The following DNAAF6 variants were observed in gnomAD, a reference collection of about 807,000 sequenced individuals.
DNAAF6 encodes the protein PIH1 domain containing 3.
A neutral mutation model predicts 13.7 loss-of-function variants in DNAAF6; 3 were observed. That is an observed-to-expected ratio of 0.22 (90% CI 0.10 to 0.56). The LOEUF (loss-of-function observed/expected upper bound fraction) is 0.56. DNAAF6 is among the 20% of genes least tolerant of loss of function. The pLI, the probability that DNAAF6 is intolerant of heterozygous loss-of-function variation, is 0.92. For synonymous variants in DNAAF6, 54 were observed against 49.2 expected (o/e 1.10, Z -0.41); for missense variants, 130 against 151.0 (o/e 0.86, Z 0.73).
chrX:107,225,544 C>T (rs1358019881), intron 5 of DNAAF6, among the ~76,000 whole-genome samples: 1 of 110,813 alleles, frequency 9.0e-6, no homozygotes, highest in African/African-American at 3.3e-5. Flanking sequence ...TGTCCTGGAC[C>T]TGGTCTATAT....
Position 107,206,680 on chromosome X carries a change from A to G in DNAAF6, c.-14A>G, listed in dbSNP as rs1381296185. 1 of 111,233 alleles carries G rather than the reference A, an allele frequency of 9.0e-6. No homozygotes were observed. The highest frequency in any genetic ancestry group is 9.6e-5 in the Admixed American group (1 of 10,424). 9.2% of individuals were successfully genotyped at this position (111,233 alleles called of 1,213,427 possible). Reference sequence around the variant, plus strand: ...TTCGGAGCCTAGCCAGAGACGGGAAAACTGACCAAGGTGAGGAAACTCGAA... The same window carrying G: ...TTCGGAGCCTAGCCAGAGACGGGAAGACTGACCAAGGTGAGGAAACTCGAA... On this transcript the variant is annotated 5_prime_UTR_variant, in exon 1 of 7. Coordinates refer to ENST00000372453, the MANE Select transcript of DNAAF6 (RefSeq NM_173494.2).
At chrX:107,222,623 C>G in intron 4 of DNAAF6, 122 bp from the exon 5 acceptor site, 3 of 896,735 alleles carry the variant, frequency 3.3e-6, no homozygotes, top group Non-Finnish European at 4.4e-6. Flanking sequence ...CCTGCAAGCA[C>G]TTTATTTGTT....
At chrX:107,220,458 T>G (rs1431832906) in intron 4 of DNAAF6, among the ~76,000 whole-genome samples, 2 of 112,193 alleles carry the variant, frequency 1.8e-5, no homozygotes, top group Non-Finnish European at 3.8e-5. Flanking sequence ...TGTTTGATGT[T>G]AGGTAGATAG....
intron 2 of DNAAF6, among the ~76,000 whole-genome samples, chrX:107,214,352 T>C (rs752238989): frequency 1.8e-5 from 2 of 111,673 alleles, no homozygotes; most frequent in South Asian, 7.5e-4. Flanking sequence ...TTATGCCATA[T>C]AGAAAAAGTA....
At chrX:107,217,704 T>G (rs2147828536) in intron 3 of DNAAF6, among the ~76,000 whole-genome samples, 1 of 112,062 alleles carries the variant, frequency 8.9e-6, no homozygotes, top group African/African-American at 3.2e-5. Flanking sequence ...AACCAGAGGA[T>G]AGGAAGGGAG....
At chrX:107,210,354 G>C (rs1005812663) in intron 1 of DNAAF6, among the ~76,000 whole-genome samples, 1 of 111,768 alleles carries the variant, frequency 8.9e-6, no homozygotes, top group African/African-American at 3.2e-5. Flanking sequence ...GACAGTGCCA[G>C]ATTCAAACAT....
chrX:107,215,253 G>A (rs1927951940), intron 2 of DNAAF6, among the ~76,000 whole-genome samples: 1 of 110,809 alleles, frequency 9.0e-6, no homozygotes, highest in Admixed American at 9.7e-5. Flanking sequence ...GCCAATCACT[G>A]TCCATGGAAA....
At chrX:107,225,791 A>G (rs1449485614) in intron 5 of DNAAF6, among the ~76,000 whole-genome samples, 1 of 111,163 alleles carries the variant, frequency 9.0e-6, no homozygotes, top group Non-Finnish European at 1.9e-5. Flanking sequence ...AACCCTTCGA[A>G]CCTCAAACCC....
chrX:107,217,017 T>C (rs1052256275), intron 3 of DNAAF6, among the ~76,000 whole-genome samples: 2 of 111,381 alleles, frequency 1.8e-5, no homozygotes, highest in Admixed American at 1.9e-4. Context: ...CATAAATATA[T>C]ACAATTTTTA....
intron 2 of DNAAF6, 145 bp from the exon 3 acceptor site, chrX:107,216,526 T>C: frequency 5.1e-6 from 2 of 388,960 alleles, no homozygotes; most frequent in Non-Finnish European, 8.9e-6. Flanking sequence ...ACATCTGTCT[T>C]TCTGTTTTAT....
At chrX:107,212,260 C>G (rs1253081908) in intron 1 of DNAAF6, among the ~76,000 whole-genome samples, 2 of 110,959 alleles carry the variant, frequency 1.8e-5, no homozygotes, top group East Asian at 5.6e-4. Flanking sequence ...CTAGGTGACA[C>G]GAGAAAGCCA....
intron 5 of DNAAF6, among the ~76,000 whole-genome samples, chrX:107,226,291 TATTTC>T (rs1928254473): frequency 8.9e-6 from 1 of 112,069 alleles, no homozygotes; most frequent in African/African-American, 3.2e-5. Flanking sequence ...GGCCCTAGCT[TATTTC>T]ATTTTGTTTT....
At chrX:107,223,642 C>T (rs757956352) in intron 5 of DNAAF6, among the ~76,000 whole-genome samples, 67 of 111,403 alleles carry the variant, frequency 6.0e-4, no homozygotes, top group Non-Finnish European at 1.1e-3. Context: ...TCCTTTCTTA[C>T]AATACATTAT....
intron 4 of DNAAF6, among the ~76,000 whole-genome samples, chrX:107,221,792 C>CA (rs972351780): frequency 9.0e-6 from 1 of 110,708 alleles, no homozygotes; most frequent in African/African-American, 3.3e-5. Context: ...TGTTCAAACT[C>CA]AGAGAAATCC....
chrX:107,228,412 G>T (rs1051779038), intron 5 of DNAAF6, among the ~76,000 whole-genome samples: 1 of 110,405 alleles, frequency 9.1e-6, no homozygotes, highest in Non-Finnish European at 1.9e-5. Flanking sequence ...TGAGAAGGAG[G>T]CAGGATTTAG....
chrX:107,244,125 G>A lies in DNAAF6; in HGVS notation c.*827G>A, dbSNP rs1000915571. The A allele has an allele frequency of 1.8e-5, 2 of 112,290 alleles. No homozygotes were observed. Among genetic ancestry groups the A allele is most frequent in the Non-Finnish European group, 3.8e-5 (2 of 53,138 alleles). The allele number at this position is 112,290 out of a possible 1,213,427, so 9.3% of individuals were successfully genotyped here. ...GCTTTTAATGCTTGGATATAGTTAG[G>A]TTAAAAACATTTTTTATATGCACTA... On this transcript the variant is annotated 3_prime_UTR_variant, in exon 7 of 7. Transcript: ENST00000372453.
At chrX:107,214,903 T>C (rs1927941452) in intron 2 of DNAAF6, among the ~76,000 whole-genome samples, 1 of 111,826 alleles carries the variant, frequency 8.9e-6, no homozygotes, top group South Asian at 3.8e-4. Context: ...ATATGACTTG[T>C]TAAGAATCTG....
intron 5 of DNAAF6, among the ~76,000 whole-genome samples, chrX:107,224,659 G>A (rs1039823846): frequency 1.8e-5 from 2 of 110,039 alleles, no homozygotes; most frequent in African/African-American, 6.6e-5. Flanking sequence ...TGGTTAATGG[G>A]TACAAAAATA....
intron 5 of DNAAF6, among the ~76,000 whole-genome samples, chrX:107,236,536 T>C (rs184371041): frequency 8.9e-6 from 1 of 112,019 alleles, no homozygotes; most frequent in East Asian, 2.8e-4. Flanking sequence ...TGCAAGATAT[T>C]AATGTGTGCG....
Sources: allele counts gnomAD v4.1 joint callset (sites outside exome capture counted in the v4.1 genomes callset), GRCh38; gene constraint gnomAD v4.1.1; transcripts MANE v1.5; gene names NCBI Gene and HGNC (gene_info 2026-07-23, HGNC 2026-07-21).